The following WDR70 variants were observed in gnomAD, a reference collection of about 807,000 sequenced individuals.
WDR70 encodes the protein WD repeat-containing protein 70.
In WDR70, 53 loss-of-function variants were observed where a neutral mutation model predicts 88.6. The ratio of observed to expected loss-of-function variants is 0.60; its 90% CI spans 0.48 to 0.75. The LOEUF (loss-of-function observed/expected upper bound fraction) is 0.75, where lower values mean the gene tolerates loss of function less well. Ranked by LOEUF, WDR70 falls within the 30% of genes least tolerant of loss-of-function variation. The probability of loss-of-function intolerance (pLI) is 0.00; values close to 1 mark genes in which losing one functional copy is unlikely to be tolerated. For missense variants in WDR70, 610 were observed against 823.2 expected (o/e 0.74, Z 3.17); for synonymous variants, 280 against 270.0 (o/e 1.04, Z -0.36).
At chr5:37,673,844 T>A (rs1209777395) in intron 10 of WDR70, among the ~76,000 whole-genome samples, 1 of 151,982 alleles carries the variant, frequency 6.6e-6, no homozygotes, top group African/African-American at 2.4e-5. Flanking sequence ...ATCATTTAGC[T>A]CCCACTTGTG....
rs1235880283 is a variant in WDR70 at position 37,563,891 on chromosome 5, GGGC to G, written c.918-41169_918-41167del. 3.8e-5 allele frequency among the ~76,000 whole-genome samples: 5 copies of G among 133,314 alleles called. No individual in the cohort carries two copies. The East Asian group carries it at 1.1e-3, about 30-fold the overall frequency. The allele number at this position is 133,314 out of a possible 152,430, so 87.5% of individuals were successfully genotyped here. A position where few individuals can be genotyped will look rare whatever the true frequency, so the allele number is the denominator to read the frequency against. ...AGAGGGTCTCCTCACTTCTCAGACG[GGGC>G]GGCCGGGCAGAGACGCTCCTCACAT... On this transcript the variant is annotated intron_variant, in intron 9 of 17. Coordinates refer to ENST00000265107, the MANE Select transcript of WDR70 (RefSeq NM_018034.4).
intron 9 of WDR70, among the ~76,000 whole-genome samples, chr5:37,584,910 C>T (rs1427991865): frequency 6.6e-6 from 1 of 151,190 alleles, no homozygotes; most frequent in Non-Finnish European, 1.5e-5. Context: ...TGCTTTGCTT[C>T]TGTCAGAAGG....
At chr5:37,454,291 A>G (rs149243483) in intron 7 of WDR70, among the ~76,000 whole-genome samples, 1,931 of 152,302 alleles carry the variant, frequency 0.013, 28 homozygotes, top group Non-Finnish European at 0.018. Flanking sequence ...CTTGAGCTAC[A>G]GGCTTAAGGC....
intron 10 of WDR70, among the ~76,000 whole-genome samples, chr5:37,673,583 A>ACCCCTC (rs1746094647): frequency 1.3e-5 from 1 of 76,228 alleles, no homozygotes; most frequent in African/African-American, 5.4e-5. Context: ...GACTTTTCTT[A>ACCCCTC]CCCCCCCCCC....
chr5:37,716,242 G>C (rs2112686983), intron 13 of WDR70, among the ~76,000 whole-genome samples: 1 of 152,304 alleles, frequency 6.6e-6, no homozygotes, highest in South Asian at 2.1e-4. Context: ...TATGAAGGCT[G>C]TTGGCTTTCT....
intron 5 of WDR70, among the ~76,000 whole-genome samples, chr5:37,401,941 A>G (rs1356958408): frequency 6.6e-6 from 1 of 152,170 alleles, no homozygotes; most frequent in Non-Finnish European, 1.5e-5. Flanking sequence ...CAATATTCAA[A>G]ATTCTCACTT....
intron 9 of WDR70, among the ~76,000 whole-genome samples, chr5:37,590,005 G>A (rs1743484685): frequency 1.3e-5 from 2 of 152,134 alleles, no homozygotes; most frequent in African/African-American, 2.4e-5. Flanking sequence ...TGGCTGAGAA[G>A]AATATTGGCA....
intron 10 of WDR70, among the ~76,000 whole-genome samples, chr5:37,657,153 G>C (rs887915440): frequency 3.3e-5 from 5 of 152,208 alleles, no homozygotes; most frequent in Non-Finnish European, 5.9e-5. Context: ...CTTCTGGTCT[G>C]TGTGTTGTGA....
At chr5:37,474,558 T>G (rs1379155529) in intron 7 of WDR70, among the ~76,000 whole-genome samples, 1 of 152,224 alleles carries the variant, frequency 6.6e-6, no homozygotes, top group African/African-American at 2.4e-5. Context: ...ATTATTCTTT[T>G]TTTTAATCTT....
chr5:37,482,854 C>G (rs1254458301), intron 8 of WDR70, among the ~76,000 whole-genome samples: 4 of 152,050 alleles, frequency 2.6e-5, no homozygotes, highest in Admixed American at 6.6e-5. Flanking sequence ...AAACATTCTA[C>G]TTAGCTAATT....
intron 8 of WDR70, among the ~76,000 whole-genome samples, chr5:37,509,789 CTTTTTTTTT>C (rs772468754): frequency 1.5e-5 from 2 of 129,162 alleles, no homozygotes; most frequent in African/African-American, 5.9e-5. Context: ...CCTATAGATT[CTTTTTTTTT>C]TTTTTTTTTT....
chr5:37,572,245 G>T (rs991938695), intron 9 of WDR70, among the ~76,000 whole-genome samples: 4 of 152,090 alleles, frequency 2.6e-5, no homozygotes, highest in African/African-American at 4.8e-5. Flanking sequence ...GTGTAAGCCT[G>T]TGTCGTGCAA....
intron 17 of WDR70, among the ~76,000 whole-genome samples, chr5:37,727,844 C>T (rs577192422): frequency 1.3e-5 from 2 of 152,012 alleles, no homozygotes; most frequent in Non-Finnish European, 2.9e-5. Context: ...CCAAAGTGCT[C>T]GGATTACAGG....
At chr5:37,465,822 CTG>C (rs1344519575) in intron 7 of WDR70, among the ~76,000 whole-genome samples, 12 of 147,742 alleles carry the variant, frequency 8.1e-5, no homozygotes, top group Admixed American at 1.3e-4. Context: ...TTGCAAGAAA[CTG>C]TATGTCAGCA....
At chr5:37,730,782 CATT>C (rs1008273443) in intron 17 of WDR70, among the ~76,000 whole-genome samples, 14 of 152,086 alleles carry the variant, frequency 9.2e-5, no homozygotes, top group African/African-American at 3.4e-4. Context: ...CTTTTTAAAA[CATT>C]AATATGCTGG....
intron 5 of WDR70, among the ~76,000 whole-genome samples, chr5:37,416,434 G>A (rs1356451679): frequency 1.3e-5 from 2 of 152,114 alleles, no homozygotes; most frequent in Non-Finnish European, 2.9e-5. Flanking sequence ...AGGCAGGGAG[G>A]TTGCAGTGAG....
At chr5:37,700,918 C>A (rs1471139650) in intron 11 of WDR70, 140 bp from the exon 12 acceptor site, 2 of 564,254 alleles carry the variant, frequency 3.5e-6, no homozygotes, top group Middle Eastern at 3.2e-4. Flanking sequence ...TTCTTCCTTT[C>A]TTTCTTCTCT....
At chr5:37,645,512 G>A (rs1452010530) in intron 10 of WDR70, among the ~76,000 whole-genome samples, 1 of 152,054 alleles carries the variant, frequency 6.6e-6, no homozygotes, top group Non-Finnish European at 1.5e-5. Flanking sequence ...TGCAGATTAA[G>A]TCAGATGTTT....
chr5:37,599,724 T>C (rs1467827657), intron 9 of WDR70, among the ~76,000 whole-genome samples: 3 of 151,946 alleles, frequency 2.0e-5, no homozygotes, highest in African/African-American at 7.3e-5. Flanking sequence ...AAACCCCATC[T>C]CTACTAAAAA....
Sources: gnomAD v4.1 joint callset for allele counts (sites outside exome capture counted in the v4.1 genomes callset) on GRCh38, gnomAD v4.1.1 for gene constraint, MANE v1.5 for transcripts, NCBI Gene and HGNC (gene_info 2026-07-23, HGNC 2026-07-21) for gene names.